Variants in DLG2 observed in about 807,000 individuals in gnomAD.
The protein encoded by DLG2 is discs large MAGUK scaffold protein 2.
DLG2 carries 45 observed loss-of-function variants against 132.5 expected under a neutral mutation model. That is an observed-to-expected ratio of 0.34 (90% CI 0.27 to 0.44). The LOEUF is 0.44. Ranked by LOEUF, DLG2 falls within the 20% of genes least tolerant of loss-of-function variation. The probability of loss-of-function intolerance (pLI) is 1.00; values close to 1 mark genes in which losing one functional copy is unlikely to be tolerated. For missense variants in DLG2, 1,045 were observed against 1,196.9 expected (o/e 0.87, Z 1.87); for synonymous variants, 424 against 419.6 (o/e 1.01, Z -0.13).
intron 6 of DLG2, among the ~76,000 whole-genome samples, chr11:84,979,996 C>T (rs1404972208): frequency 1.3e-5 from 2 of 151,986 alleles, no homozygotes; most frequent in African/African-American, 4.8e-5. Flanking sequence ...CAGAAACCTG[C>T]TATTAATGGC....
intron 11 of DLG2, among the ~76,000 whole-genome samples, chr11:84,057,043 G>A (rs934376929): frequency 1.5e-4 from 23 of 152,010 alleles, no homozygotes; most frequent in African/African-American, 5.6e-4. Context: ...TACTTTAACT[G>A]GGTTATTGCC....
chr11:83,542,762 A>G (rs2096117680), intron 19 of DLG2, among the ~76,000 whole-genome samples: 1 of 152,098 alleles, frequency 6.6e-6, no homozygotes, highest in Non-Finnish European at 1.5e-5. Context: ...CACCACTCCT[A>G]TATTGTCCAC....
chr11:84,784,586 T>C (rs975757428), intron 6 of DLG2, among the ~76,000 whole-genome samples: 1 of 152,020 alleles, frequency 6.6e-6, no homozygotes, highest in South Asian at 2.1e-4. Flanking sequence ...AAATCAGACA[T>C]CATTTCACTT....
intron 6 of DLG2, among the ~76,000 whole-genome samples, chr11:84,584,449 T>G (rs1486386434): frequency 2.0e-5 from 3 of 151,706 alleles, no homozygotes; most frequent in Non-Finnish European, 4.4e-5. Flanking sequence ...TTGGATCAAG[T>G]GATCCTCCAG....
Position 84,978,761 on chromosome 11 carries a change from C to T in DLG2, c.357+132900G>A, listed in dbSNP as rs541845085. The stretch of plus-strand genomic sequence containing the variant: ...TTCAGGACACAGGCATGGGCAAGGA[C>T]GTCATGTCTAAAACACCAAAAGCAA... On this transcript the variant is annotated intron_variant, in intron 6 of 27. Transcript: ENST00000376104. Among the ~76,000 whole-genome samples the T allele has an allele frequency of 2.6e-5, 4 of 152,196 alleles. 1 individual carries two copies. Among genetic ancestry groups the T allele is most frequent in the African/African-American group, 7.2e-5 (3 of 41,520 alleles).
intron 6 of DLG2, among the ~76,000 whole-genome samples, chr11:85,003,004 G>C (rs2058346133): frequency 6.6e-6 from 1 of 151,826 alleles, no homozygotes; most frequent in Non-Finnish European, 1.5e-5. Flanking sequence ...TGTTAATATA[G>C]TATTTATATT....
intron 3 of DLG2, among the ~76,000 whole-genome samples, chr11:85,421,906 G>A (rs1229404937): frequency 1.3e-5 from 2 of 152,014 alleles, no homozygotes; most frequent in African/African-American, 4.8e-5. Flanking sequence ...CTCAGCATTT[G>A]TTTTTCCGAA....
At chr11:84,440,156 A>C (rs1229189971) in intron 7 of DLG2, among the ~76,000 whole-genome samples, 1 of 152,208 alleles carries the variant, frequency 6.6e-6, no homozygotes, top group Non-Finnish European at 1.5e-5. Context: ...TTTTTATAGT[A>C]CAAGATCCTT....
intron 8 of DLG2, among the ~76,000 whole-genome samples, chr11:84,222,880 A>G (rs1247590031): frequency 6.6e-6 from 1 of 152,228 alleles, no homozygotes; most frequent in Non-Finnish European, 1.5e-5. Flanking sequence ...GAACAAAAAA[A>G]GTGATAAAAT....
At chr11:84,016,500 T>C (rs529164337) in intron 11 of DLG2, among the ~76,000 whole-genome samples, 1 of 152,310 alleles carries the variant, frequency 6.6e-6, no homozygotes, top group Admixed American at 6.5e-5. Flanking sequence ...ATTTAAGTCC[T>C]GAATCCATCT....
At chr11:85,012,515 ACT>A (rs1166448503) in intron 6 of DLG2, among the ~76,000 whole-genome samples, 1 of 151,682 alleles carries the variant, frequency 6.6e-6, no homozygotes, top group Non-Finnish European at 1.5e-5. Context: ...TAAGAGCAAA[ACT>A]CTGTCTCAAG....
chr11:84,886,977 T>C (rs1386836866), intron 6 of DLG2, among the ~76,000 whole-genome samples: 5 of 152,174 alleles, frequency 3.3e-5, no homozygotes, highest in African/African-American at 4.8e-5. Context: ...ATTCTAATTA[T>C]ATCAAACAAT....
chr11:83,511,091 C>CACACACACACACAG (rs1234759267), intron 21 of DLG2, among the ~76,000 whole-genome samples: 9 of 144,964 alleles, frequency 6.2e-5, no homozygotes, highest in Non-Finnish European at 1.3e-4. Context: ...CACACAGACA[C>CACACACACACACAG]ACACACACAC....
intron 9 of DLG2, among the ~76,000 whole-genome samples, chr11:84,111,772 G>A (rs1190640998): frequency 6.6e-6 from 1 of 152,158 alleles, no homozygotes; most frequent in East Asian, 1.9e-4. Flanking sequence ...TTGGGGAGAT[G>A]TGCCATATAC....
At chr11:83,986,834 G>A (rs1339317359) in intron 11 of DLG2, among the ~76,000 whole-genome samples, 1 of 152,112 alleles carries the variant, frequency 6.6e-6, no homozygotes, top group African/African-American at 2.4e-5. Flanking sequence ...TTTTTCATGT[G>A]TTTTTGGGCT....
chr11:83,841,781 A>G (rs992538139), intron 16 of DLG2, among the ~76,000 whole-genome samples: 1 of 152,248 alleles, frequency 6.6e-6, no homozygotes, highest in African/African-American at 2.4e-5. Flanking sequence ...AAAAATATGT[A>G]TCTTACCCAT....
chr11:84,396,204 A>G (rs1361787266), intron 7 of DLG2, among the ~76,000 whole-genome samples: 1 of 152,162 alleles, frequency 6.6e-6, no homozygotes, highest in Non-Finnish European at 1.5e-5. Flanking sequence ...CCCATAAATC[A>G]AATCTCAGCT....
chr11:84,362,378 C>T (rs2098654614), intron 7 of DLG2, among the ~76,000 whole-genome samples: 1 of 151,958 alleles, frequency 6.6e-6, no homozygotes, highest in Non-Finnish European at 1.5e-5. Flanking sequence ...GTTGTTATAA[C>T]AGCTGCTTTT....
chr11:84,428,199 C>A (rs896142620), intron 7 of DLG2, among the ~76,000 whole-genome samples: 1 of 152,170 alleles, frequency 6.6e-6, no homozygotes, highest in African/African-American at 2.4e-5. Flanking sequence ...TTTTAAATAA[C>A]CTCTCATAGC....
Sources: allele counts gnomAD v4.1 joint callset (sites outside exome capture counted in the v4.1 genomes callset), GRCh38; gene constraint gnomAD v4.1.1; transcripts MANE v1.5; gene names NCBI Gene and HGNC (gene_info 2026-07-23, HGNC 2026-07-21).